ZNF728: variants seen among roughly 807,000 people sequenced by gnomAD.
ZNF728 encodes the protein zinc finger protein 728.
ZNF728 carries 12 observed loss-of-function variants against 12.5 expected under a neutral mutation model. The ratio of observed to expected loss-of-function variants is 0.96; its 90% CI spans 0.61 to 1.55. The LOEUF is 1.55. ZNF728 is among the 40% of genes most tolerant of loss of function. The pLI is 0.00. For missense variants in ZNF728, 692 were observed against 719.2 expected (o/e 0.96, Z 0.43); for synonymous variants, 205 against 240.7 (o/e 0.85, Z 1.37).
Position 22,984,473 on chromosome 19 carries a change from C to T in ZNF728, c.226+2835G>A, listed in dbSNP as rs530561339. ...ACTCAGGAGGCTGAGGCAAAGGAAT[C>T]GCTTGAACCCGGGAGGCAGAGGTTG... is the stretch of plus-strand genomic sequence containing the variant. On this transcript the variant is annotated intron_variant, in intron 3 of 3. Transcript: ENST00000594710. 8.0e-5 allele frequency among the ~76,000 whole-genome samples: 12 copies of T among 150,222 alleles called. No individual in the cohort carries two copies. The South Asian group carries it at 1.7e-3, about 21-fold the overall frequency.
chr19:22,997,458 A>C (rs1969061002), intron 1 of ZNF728, among the ~76,000 whole-genome samples: 1 of 152,212 alleles, frequency 6.6e-6, no homozygotes, highest in South Asian at 2.1e-4. Flanking sequence ...GTGTTTTGAA[A>C]CAAATAAGAA....
chr19:22,988,924 G>A, intron 1 of ZNF728, among the ~76,000 whole-genome samples: 1 of 151,812 alleles, frequency 6.6e-6, no homozygotes, highest in Admixed American at 6.6e-5. Flanking sequence ...GGTGGTGTGT[G>A]CTTGTAATTC....
At chr19:22,986,579 T>C (rs900345388) in intron 3 of ZNF728, among the ~76,000 whole-genome samples, 2 of 152,154 alleles carry the variant, frequency 1.3e-5, no homozygotes, top group African/African-American at 2.4e-5. Context: ...GAAAGATTTA[T>C]CAATGAAAAA....
Position 22,976,991 on chromosome 19 carries a change from C to A in ZNF728, c.346G>T (p.Gly116Cys), listed in dbSNP as rs776208163. Residue 116 changes from glycine (G) to cysteine (C), a missense_variant, in exon 4 of 4, where the codon GGT becomes TGT. This residue lies in a region of ZNF728 where 440 missense variants were observed against 459.6 expected (regional missense o/e 0.96). Transcript: ENST00000594710. ...TTACACTCATCCACATTGGTACAAC[C>A]AATTTTTAACTGTAAATTCTCATGT... ...CGHENLQLKI[G>C]CTNVDECKVH... The A allele has an allele frequency of 6.2e-6, 10 of 1,613,282 alleles. No homozygotes were observed. The African/African-American group carries it at 1.2e-4, about 19-fold the overall frequency.
At position 22,975,769 on chromosome 19, in the gene ZNF728, A is replaced by C; in HGVS notation, c.1568T>G (p.Leu523Arg). The C allele has an allele frequency of 1.2e-6, 2 of 1,612,204 alleles. No homozygotes were observed. Among genetic ancestry groups the C allele is most frequent in the Non-Finnish European group, 1.7e-6 (2 of 1,179,912 alleles). ...CGKAFSKVAN[L>R]TKHKVIHTGE... ...AGTATGAATTACCTTATGTTTAGTA[A>C]GGTTTGCAACCTTACTGAAGGCTTT... The change falls in exon 4 of 4, where the codon CTT (leucine) becomes CGT (arginine). Residue 523 changes from leucine to arginine, a missense_variant. Physicochemically the swap from Leu to Arg is moderately radical, Grantham distance 102. Coordinates refer to ENST00000594710, the MANE Select transcript of ZNF728 (RefSeq NM_001267716.2).
chr19:22,986,649 A>T (rs1032090328), intron 3 of ZNF728, among the ~76,000 whole-genome samples: 3 of 152,150 alleles, frequency 2.0e-5, no homozygotes, highest in African/African-American at 7.2e-5. Context: ...ATAAATGTTA[A>T]AATGCCATAT....
intron 1 of ZNF728, among the ~76,000 whole-genome samples, chr19:23,000,333 C>G (rs1294175224): frequency 6.7e-6 from 1 of 150,308 alleles, no homozygotes; most frequent in African/African-American, 2.4e-5. Context: ...AGCCGAGATC[C>G]CACCATTGCA....
intron 1 of ZNF728, among the ~76,000 whole-genome samples, chr19:22,998,835 T>C (rs1450204147): frequency 1.3e-5 from 2 of 152,208 alleles, no homozygotes; most frequent in African/African-American, 4.8e-5. Flanking sequence ...ACCCTTCCCA[T>C]TATGACTTAG....
At chr19:22,997,474 A>G (rs1450170763) in intron 1 of ZNF728, among the ~76,000 whole-genome samples, 1 of 152,196 alleles carries the variant, frequency 6.6e-6, no homozygotes, top group Non-Finnish European at 1.5e-5. Flanking sequence ...AAGAACAAAA[A>G]TACAAAATAC....
Position 22,975,646 on chromosome 19 carries a change from T to C in ZNF728, c.1691A>G (p.Tyr564Cys), listed in dbSNP as rs765563047. The C allele has an allele frequency of 1.9e-6, 3 of 1,611,930 alleles. No individual in the cohort carries two copies. The highest frequency in any genetic ancestry group is 1.3e-5 in the African/African-American group (1 of 74,928). The change falls in exon 4 of 4, where the codon TAC becomes TGC. Residue 564 changes from tyrosine (Y) to cysteine (C), a missense_variant. Physicochemically the swap from Tyr to Cys is radical, Grantham distance 194. Around this residue, in one of 3 missense-constraint regions of ZNF728, gnomAD observed 244 missense variants for 235.2 expected, o/e 1.04. Transcript: ENST00000594710. Reference protein sequence around the residue: ...HKRIHTGEKPYKCEECGKAFS... With the variant: ...HKRIHTGEKPCKCEECGKAFS... ...GGCTTTGCCACATTCTTCACATTTG[T>C]AGGGTTTCTCTCCAGTATGAATTCT...
At chr19:22,989,077 GAATT>G (rs1448230921) in intron 1 of ZNF728, among the ~76,000 whole-genome samples, 20 of 112,974 alleles carry the variant, frequency 1.8e-4, no homozygotes, top group African/African-American at 3.5e-5. Context: ...AAAAAAAAAA[GAATT>G]AATTGTTTGT....
chr19:23,003,130 CA>C lies in ZNF728; in HGVS notation c.-101del. On this transcript the variant is annotated 5_prime_UTR_variant, in exon 1 of 4. Transcript: ENST00000594710. ...TGGGCCTTTAGGAGCGGACGACACA[CA>C]GCAGTAAGGACGACACCTTGACCTC... 1 of 1,406,864 alleles carries C rather than the reference CA, an allele frequency of 7.1e-7. No homozygotes were observed. Among genetic ancestry groups the C allele is most frequent in the South Asian group, 1.4e-5 (1 of 70,512 alleles). 87.1% of individuals were successfully genotyped at this position (1,406,864 alleles called of 1,614,324 possible).
chr19:23,001,230 G>T lies in ZNF728; in HGVS notation c.3+1798C>A, dbSNP rs1290768637. Among the ~76,000 whole-genome samples the T allele has an allele frequency of 2.0e-5, 3 of 152,076 alleles. No homozygotes were observed. In the East Asian group the frequency reaches 5.8e-4, roughly 29 times the overall value. ...GAATGCAGGGGCAAAAATTATTTTG[G>T]TTTCCCCTTCAATACCAGCATCTGA... On this transcript the variant is annotated intron_variant, in intron 1 of 3. Transcript: ENST00000594710.
At chr19:22,984,220 T>C (rs1440129861) in intron 3 of ZNF728, among the ~76,000 whole-genome samples, 1 of 150,834 alleles carries the variant, frequency 6.6e-6, no homozygotes, top group East Asian at 1.9e-4. Context: ...AATTATTTTC[T>C]ATGACTAAAC....
chr19:22,981,574 C>G (rs77246115), intron 3 of ZNF728, among the ~76,000 whole-genome samples: 1 of 152,156 alleles, frequency 6.6e-6, no homozygotes, highest in East Asian at 1.9e-4. Context: ...GACACAACAA[C>G]AACAGAAAAA....
At chr19:23,002,631 T>C (rs946244653) in intron 1 of ZNF728, among the ~76,000 whole-genome samples, 4 of 152,196 alleles carry the variant, frequency 2.6e-5, no homozygotes, top group African/African-American at 9.6e-5. Flanking sequence ...CTTCTGCAAA[T>C]TTTTAATAGG....
At chr19:22,981,411 C>T (rs868390171) in intron 3 of ZNF728, among the ~76,000 whole-genome samples, 1 of 152,132 alleles carries the variant, frequency 6.6e-6, no homozygotes, top group Admixed American at 6.6e-5. Flanking sequence ...AAAAAATGTC[C>T]AGGACCTGAT....
At chr19:22,994,302 G>A (rs980436314) in intron 1 of ZNF728, among the ~76,000 whole-genome samples, 7 of 152,162 alleles carry the variant, frequency 4.6e-5, no homozygotes, top group Non-Finnish European at 1.0e-4. Context: ...CTGACTGGAA[G>A]CCGAAAAGGC....
chr19:22,981,874 G>A (rs373708081), intron 3 of ZNF728, among the ~76,000 whole-genome samples: 8 of 152,142 alleles, frequency 5.3e-5, no homozygotes, highest in East Asian at 1.9e-4. Flanking sequence ...TTGATGGAAC[G>A]TATCTCAAAA....
Sources: allele counts gnomAD v4.1 joint callset (sites outside exome capture counted in the v4.1 genomes callset), GRCh38; gene constraint gnomAD v4.1.1; regional missense constraint gnomAD v4.1.1; transcripts MANE v1.5; gene names NCBI Gene and HGNC (gene_info 2026-07-23, HGNC 2026-07-21).